TNFRSF21: variants seen among roughly 807,000 people sequenced by gnomAD.
The protein encoded by TNFRSF21 is tumor necrosis factor receptor superfamily member 21.
Under a neutral mutation model 45.6 loss-of-function variants are expected in TNFRSF21, and 19 were observed. The ratio of observed to expected loss-of-function variants is 0.42; its 90% CI spans 0.29 to 0.61. The LOEUF (loss-of-function observed/expected upper bound fraction) is 0.61. Among genes scored for constraint, TNFRSF21 ranks in the 20% least tolerant of loss-of-function variants. TNFRSF21 has a pLI of 0.23. For missense variants in TNFRSF21, 737 were observed against 851.5 expected (o/e 0.87, Z 1.67); for synonymous variants, 314 against 335.5 (o/e 0.94, Z 0.70).
At chr6:47,295,531 T>C (rs1184911521) in intron 1 of TNFRSF21, among the ~76,000 whole-genome samples, 3 of 152,192 alleles carry the variant, frequency 2.0e-5, no homozygotes, top group Non-Finnish European at 4.4e-5. Flanking sequence ...AAGTTATTCC[T>C]GAGATGGTGA....
chr6:47,241,079 T>C (rs552327626), intron 4 of TNFRSF21, among the ~76,000 whole-genome samples: 52 of 152,250 alleles, frequency 3.4e-4, no homozygotes, highest in African/African-American at 1.2e-3. Context: ...AGATGGGCTC[T>C]GGGAGGAAAA....
At chr6:47,242,485 G>C (rs964906670) in intron 4 of TNFRSF21, among the ~76,000 whole-genome samples, 1 of 152,146 alleles carries the variant, frequency 6.6e-6, no homozygotes, top group Non-Finnish European at 1.5e-5. Context: ...CCCCATTTAA[G>C]TCAAAGTGTC....
intron 1 of TNFRSF21, among the ~76,000 whole-genome samples, chr6:47,292,616 A>G (rs1762743422): frequency 6.6e-6 from 1 of 152,134 alleles, no homozygotes; most frequent in Non-Finnish European, 1.5e-5. Flanking sequence ...CTCTTAACCA[A>G]TCTGGTACTT....
chr6:47,245,569 C>T (rs1764813451), intron 4 of TNFRSF21, among the ~76,000 whole-genome samples: 2 of 151,764 alleles, frequency 1.3e-5, no homozygotes, highest in Non-Finnish European at 2.9e-5. Context: ...AGCTCAACTA[C>T]TATATTTATT....
chr6:47,265,871 T>A (rs372940964), intron 3 of TNFRSF21, among the ~76,000 whole-genome samples: 2 of 152,202 alleles, frequency 1.3e-5, no homozygotes, highest in South Asian at 4.1e-4. Context: ...AAAACCAAAG[T>A]GTCAAAGTGC....
intron 3 of TNFRSF21, among the ~76,000 whole-genome samples, chr6:47,271,882 C>T (rs1392688670): frequency 1.3e-5 from 2 of 152,024 alleles, no homozygotes; most frequent in African/African-American, 4.8e-5. Flanking sequence ...TCTGATAAAA[C>T]AGACTTTAAA....
At chr6:47,290,946 A>C (rs973675814) in intron 1 of TNFRSF21, among the ~76,000 whole-genome samples, 2 of 152,244 alleles carry the variant, frequency 1.3e-5, no homozygotes, top group East Asian at 3.8e-4. Context: ...GGATGAACAA[A>C]AAAAGAATAC....
At chr6:47,259,243 G>GA (rs767726722) in intron 3 of TNFRSF21, among the ~76,000 whole-genome samples, 2 of 152,256 alleles carry the variant, frequency 1.3e-5, no homozygotes, top group Non-Finnish European at 1.5e-5. Context: ...GGTGACAGTA[G>GA]CTATGTGTTG....
chr6:47,259,401 A>G (rs948866049), intron 3 of TNFRSF21, among the ~76,000 whole-genome samples: 1 of 150,038 alleles, frequency 6.7e-6, no homozygotes, highest in African/African-American at 2.5e-5. Context: ...ACGGAGTCTC[A>G]CTCAGTCACC....
chr6:47,255,689 C>A (rs1442911580), intron 3 of TNFRSF21, among the ~76,000 whole-genome samples: 1 of 152,156 alleles, frequency 6.6e-6, no homozygotes, highest in African/African-American at 2.4e-5. Flanking sequence ...TCTCAAACTC[C>A]TGACCTCAGG....
At chr6:47,254,115 C>T (rs976095327) in intron 3 of TNFRSF21, among the ~76,000 whole-genome samples, 1 of 152,156 alleles carries the variant, frequency 6.6e-6, no homozygotes, top group South Asian at 2.1e-4. Context: ...TCACTCCTCT[C>T]GAGCTTTGGG....
At chr6:47,272,583 C>A (rs1762438909) in intron 3 of TNFRSF21, among the ~76,000 whole-genome samples, 2 of 152,088 alleles carry the variant, frequency 1.3e-5, no homozygotes, top group African/African-American at 2.4e-5. Flanking sequence ...AAAATCAACA[C>A]CCTAACATCA....
intron 3 of TNFRSF21, among the ~76,000 whole-genome samples, chr6:47,276,062 T>C (rs993612): frequency 0.59 from 89,381 of 152,016 alleles, 28,167 homozygotes; most frequent in African/African-American, 0.83. Flanking sequence ...CAAAGAAAGA[T>C]GAGATCCAAA....
intron 4 of TNFRSF21, among the ~76,000 whole-genome samples, chr6:47,242,822 A>G (rs1030389661): frequency 2.6e-5 from 4 of 152,184 alleles, no homozygotes; most frequent in Admixed American, 6.5e-5. Flanking sequence ...TATTGCCAAG[A>G]CTTTTAAGAG....
intron 4 of TNFRSF21, among the ~76,000 whole-genome samples, chr6:47,241,669 G>T (rs558673767): frequency 6.6e-6 from 1 of 152,208 alleles, no homozygotes; most frequent in East Asian, 1.9e-4. Context: ...GAATCTAGAT[G>T]GTAGATTTAT....
At chr6:47,258,337 C>A (rs1314313518) in intron 3 of TNFRSF21, among the ~76,000 whole-genome samples, 1 of 151,340 alleles carries the variant, frequency 6.6e-6, no homozygotes, top group Admixed American at 6.6e-5. Context: ...ACCACCGCAC[C>A]CCAGCCTAAG....
intron 3 of TNFRSF21, among the ~76,000 whole-genome samples, chr6:47,266,711 G>T (rs568706026): frequency 6.6e-6 from 1 of 152,182 alleles, no homozygotes; most frequent in South Asian, 2.1e-4. Flanking sequence ...GGGGTTGGTT[G>T]TAGGTTGTTT....
chr6:47,270,598 G>A (rs915151881), intron 3 of TNFRSF21, among the ~76,000 whole-genome samples: 5 of 152,154 alleles, frequency 3.3e-5, no homozygotes, highest in South Asian at 2.1e-4. Flanking sequence ...AAATCAGAGC[G>A]CATCTTCTCC....
chr6:47,309,061 T>TG (rs1240942107), intron 1 of TNFRSF21, among the ~76,000 whole-genome samples: 1 of 152,006 alleles, frequency 6.6e-6, no homozygotes, highest in African/African-American at 2.4e-5. Context: ...GGCCGATGGG[T>TG]GGGGGGCTGT....
Sources: allele counts gnomAD v4.1 joint callset (sites outside exome capture counted in the v4.1 genomes callset), GRCh38; gene constraint gnomAD v4.1.1; transcripts MANE v1.5; gene names NCBI Gene and HGNC (gene_info 2026-07-23, HGNC 2026-07-21).